ZNF329: variants seen among roughly 807,000 people sequenced by gnomAD.
ZNF329 encodes the protein zinc finger protein 329.
ZNF329 carries 15 observed loss-of-function variants against 26.6 expected under a neutral mutation model. That is an observed-to-expected ratio of 0.56 (90% CI 0.38 to 0.87). ZNF329 has a LOEUF of 0.87. Among genes scored for constraint, ZNF329 ranks in the 40% least tolerant of loss-of-function variants. The pLI is 0.00. For synonymous variants in ZNF329, 239 were observed against 233.5 expected, an observed-to-expected ratio of 1.02 and a Z score of -0.21; for missense variants, 651 against 651.9, an observed-to-expected ratio of 1.00 and a Z score of 0.02.
chr19:58,128,926 T>C lies in ZNF329; in HGVS notation c.578A>G (p.Asn193Ser). Reference sequence around the variant, plus strand: ...TTTCTCTCCAGGGAGATTTCTCTGGTTTTCATTAAGCGATGAGCTCAGAGT... The same window carrying C: ...TTTCTCTCCAGGGAGATTTCTCTGGCTTTCATTAAGCGATGAGCTCAGAGT... ...IFTLSSSLNENQRNLPGEKQY... is the reference protein window; with the variant it reads ...IFTLSSSLNESQRNLPGEKQY... Residue 193 changes from asparagine to serine, a missense_variant, in exon 4 of 4, where the codon AAC becomes AGC. By Grantham distance (46) the Asn-to-Ser change is conservative. Transcript: ENST00000598312. 6.2e-7 allele frequency: 1 copy of C among 1,614,120 alleles called. No homozygotes were observed. The highest frequency in any genetic ancestry group is 1.1e-5 in the South Asian group (1 of 91,082).
Position 58,147,616 on chromosome 19 carries a change from G to T in ZNF329, c.-208+3136C>A, listed in dbSNP as rs572480512. Among the ~76,000 whole-genome samples the T allele has an allele frequency of 5.5e-4, 75 of 135,264 alleles. No homozygotes were observed. The South Asian group carries it at 6.0e-3, about 11-fold the overall frequency. The allele number at this position is 135,264 out of a possible 152,430, so 88.7% of individuals were successfully genotyped here. On this transcript the variant is annotated intron_variant, in intron 1 of 3. Coordinates refer to ENST00000598312, the MANE Select transcript of ZNF329 (RefSeq NM_024620.4). ...AGGTGGGGGGGTCAGCCCTCCGCCT[G>T]GCCAGACGCCCCGTCCAGGAGGGAG...
chr19:58,152,504 C>A (rs1445990745), upstream of ZNF329, among the ~76,000 whole-genome samples: 1 of 151,926 alleles, frequency 6.6e-6, no homozygotes, highest in Non-Finnish European at 1.5e-5. Context: ...CCGCCCCCAG[C>A]TCACAGAATA....
At chr19:58,150,529 G>C (rs1435127229) in intron 1 of ZNF329, among the ~76,000 whole-genome samples, 3 of 152,260 alleles carry the variant, frequency 2.0e-5, no homozygotes, top group Admixed American at 1.3e-4. Context: ...CGTCCTCAGA[G>C]GAGTGACCCC....
chr19:58,127,974 G>C lies in ZNF329; in HGVS notation c.1530C>G (p.Pro510=), dbSNP rs868524820. The change falls in exon 4 of 4, where the codon CCC becomes CCG. Residue 510 remains proline (P), a synonymous_variant. Transcript: ENST00000598312. ...VHQRLHSREG[P]SRCPQCGKMF... Reference sequence around the variant, plus strand: ...TTTTTCCACACTGAGGACACCGGCTGGGACCCTCCCTGCTATGGAGTCTCT... The same window carrying C: ...TTTTTCCACACTGAGGACACCGGCTCGGACCCTCCCTGCTATGGAGTCTCT... The C allele has an allele frequency of 2.6e-5, 42 of 1,613,978 alleles. No individual in the cohort carries two copies. Among genetic ancestry groups the C allele is most frequent in the Non-Finnish European group, 3.6e-5 (42 of 1,179,976 alleles).
At chr19:58,151,780 A>C (rs1271475637), upstream of ZNF329, among the ~76,000 whole-genome samples, 3 of 152,232 alleles carry the variant, frequency 2.0e-5, no homozygotes, top group African/African-American at 7.2e-5. Flanking sequence ...AATAACATGG[A>C]CCAGATAGAT....
chr19:58,140,221 T>C (rs949563405), intron 3 of ZNF329, among the ~76,000 whole-genome samples: 1 of 152,094 alleles, frequency 6.6e-6, no homozygotes, highest in Non-Finnish European at 1.5e-5. Context: ...GGGAAATGAA[T>C]TAGTGCCCCC....
At chr19:58,144,762 T>G (rs140235472) in intron 1 of ZNF329, among the ~76,000 whole-genome samples, 2 of 150,862 alleles carry the variant, frequency 1.3e-5, no homozygotes, top group East Asian at 3.9e-4. Context: ...AATGCAGTAG[T>G]ATGATCATGG....
intron 1 of ZNF329, among the ~76,000 whole-genome samples, chr19:58,143,424 AC>A (rs775396464): frequency 2.0e-5 from 3 of 152,190 alleles, no homozygotes; most frequent in Non-Finnish European, 4.4e-5. Context: ...CTGATGCGTG[AC>A]AAAATTCACA....
upstream of ZNF329, among the ~76,000 whole-genome samples, chr19:58,154,089 A>G (rs1189383714): frequency 6.6e-6 from 1 of 151,812 alleles, no homozygotes; most frequent in African/African-American, 2.4e-5. Context: ...GCAGCCTCCA[A>G]ACTCTGCATC....
chr19:58,128,616 G>A lies in ZNF329; in HGVS notation c.888C>T (p.Phe296=). Residue 296 remains phenylalanine, a synonymous_variant, in exon 4 of 4, where the codon TTC becomes TTT. Transcript: ENST00000598312. Reference sequence around the variant, plus strand: ...GCAAAATTAAGGATGAATTTCGGTTGAAGGTTTTTCCACACTCTAGGCATT... The same window carrying A: ...GCAAAATTAAGGATGAATTTCGGTTAAAGGTTTTTCCACACTCTAGGCATT... ...PYECLECGKT[F]NRNSSLILHQ... 1 of 1,610,116 alleles carries A rather than the reference G, an allele frequency of 6.2e-7. No homozygotes were observed. Among genetic ancestry groups the A allele is most frequent in the East Asian group, 2.2e-5 (1 of 44,830 alleles).
At chr19:58,150,555 T>TC (rs1385874400) in intron 1 of ZNF329, among the ~76,000 whole-genome samples, 197 bp downstream of exon 1, 2 of 152,118 alleles carry the variant, frequency 1.3e-5, no homozygotes, top group Non-Finnish European at 2.9e-5. Flanking sequence ...CCACGGAGCG[T>TC]CCCCACCCAC....
chr19:58,151,722 C>T (rs2075457744), upstream of ZNF329, among the ~76,000 whole-genome samples: 2 of 151,512 alleles, frequency 1.3e-5, 1 homozygote, highest in South Asian at 4.2e-4. Flanking sequence ...ATAAAAGACA[C>T]AAAATCTATA....
chr19:58,154,564 T>G (rs1169045140), upstream of ZNF329, among the ~76,000 whole-genome samples: 1 of 152,208 alleles, frequency 6.6e-6, no homozygotes. Flanking sequence ...CCTCTTCCAC[T>G]TATTTCCCCA....
In ZNF329 at chr19:58,129,114, G is replaced by C. The variant is rs777471205; in HGVS notation, c.390C>G (p.Asn130Lys). The change falls in exon 4 of 4, where the codon AAC becomes AAG. Residue 130 changes from asparagine to lysine, a missense_variant. Coordinates refer to ENST00000598312, the MANE Select transcript of ZNF329 (RefSeq NM_024620.4). ...TTCCATGAATAACTTCCATGGAATG[G>C]TTGAAGCCTTTTCCACAGGCATCAC... ...GDSDACGKGF[N>K]HSMEVIHGRN... 1.1e-5 allele frequency: 17 copies of C among 1,613,844 alleles called. No individual in the cohort carries two copies. The highest frequency in any genetic ancestry group is 1.3e-5 in the Non-Finnish European group (15 of 1,180,044).
intron 3 of ZNF329, among the ~76,000 whole-genome samples, chr19:58,137,878 C>G (rs1451244430): frequency 6.7e-6 from 1 of 150,116 alleles, no homozygotes; most frequent in African/African-American, 2.5e-5. Flanking sequence ...ACTTGGGAAG[C>G]TGAGGTGGGA....
chr19:58,128,537 G>A lies in ZNF329; in HGVS notation c.967C>T (p.Pro323Ser). Residue 323 changes from proline (P) to serine (S), a missense_variant, in exon 4 of 4, where the codon CCC (proline) becomes TCC (serine). Physicochemically the swap from Pro to Ser is moderately conservative, Grantham distance 74. Transcript: ENST00000598312. ...KPYRCNECGK[P>S]FTDISHLTVH... is the part of the protein sequence containing the mutation. ...GTAAGGTGGGAGATGTCAGTGAAGG[G>A]TTTCCCACATTCGTTACATCTATAT... 6.2e-7 allele frequency: 1 copy of A among 1,614,102 alleles called. No homozygotes were observed. The highest frequency in any genetic ancestry group is 1.3e-5 in the African/African-American group (1 of 75,028).
rs148553773 is a variant in ZNF329, at chr19:58,138,275, T to C, written c.-9+4282A>G. Reference sequence around the variant, plus strand: ...TCAGATTCAAGTAATAGATCCTTTATCTCAAAAATTCAAAAAGTACTTTAA... The same window carrying C: ...TCAGATTCAAGTAATAGATCCTTTACCTCAAAAATTCAAAAAGTACTTTAA... On this transcript the variant is annotated intron_variant, in intron 3 of 3. Coordinates refer to ENST00000598312, the MANE Select transcript of ZNF329 (RefSeq NM_024620.4). Among the ~76,000 whole-genome samples, 7 of 152,266 alleles carry C rather than the reference T, an allele frequency of 4.6e-5. No individual in the cohort carries two copies. The East Asian group carries it at 1.3e-3, about 29-fold the overall frequency.
chr19:58,152,242 G>GT (rs1290801212), upstream of ZNF329, among the ~76,000 whole-genome samples: 1 of 151,998 alleles, frequency 6.6e-6, no homozygotes. Flanking sequence ...CATGAAGGCC[G>GT]TATCAGACCA....
chr19:58,147,121 G>A (rs1416421983), intron 1 of ZNF329, among the ~76,000 whole-genome samples: 3 of 151,158 alleles, frequency 2.0e-5, no homozygotes, highest in Non-Finnish European at 4.4e-5. Flanking sequence ...TCTCTGCCCG[G>A]CCGCCCATCG....
Sources: gnomAD v4.1 joint callset for allele counts (sites outside exome capture counted in the v4.1 genomes callset) on GRCh38, gnomAD v4.1.1 for gene constraint, MANE v1.5 for transcripts, NCBI Gene and HGNC (gene_info 2026-07-23, HGNC 2026-07-21) for gene names.